The following ESRRG variants were observed in gnomAD, a reference collection of about 807,000 sequenced individuals.
ESRRG encodes the protein estrogen related receptor gamma.
A neutral mutation model predicts 44.0 loss-of-function variants in ESRRG; 13 were observed. The observed-to-expected ratio is 0.30, with a 90% confidence interval of 0.19 to 0.47. The LOEUF is 0.47. Ranked by LOEUF, ESRRG falls within the 20% of genes least tolerant of loss-of-function variation. ESRRG has a pLI of 1.00. For synonymous variants in ESRRG, 215 were observed against 214.6 expected (o/e 1.00, Z -0.02); for missense variants, 395 against 580.6 (o/e 0.68, Z 3.29).
chr1:216,874,061 G>A (rs1296041141), intron 2 of ESRRG, among the ~76,000 whole-genome samples: 1 of 150,326 alleles, frequency 6.7e-6, no homozygotes, highest in Non-Finnish European at 1.5e-5. Flanking sequence ...AGGAAGGGAG[G>A]AAGGTAGGAA....
intron 1 of ESRRG, among the ~76,000 whole-genome samples, chr1:217,133,936 T>G (rs1055845937): frequency 6.6e-6 from 1 of 152,084 alleles, no homozygotes; most frequent in African/African-American, 2.4e-5. Context: ...GGTTTCTGCC[T>G]ATGAAGATGT....
intron 3 of ESRRG, among the ~76,000 whole-genome samples, chr1:216,616,954 G>GT (rs985515881): frequency 3.3e-5 from 5 of 152,000 alleles, no homozygotes; most frequent in African/African-American, 1.2e-4. Context: ...TCACCTCAGG[G>GT]TTTTTTCTTC....
chr1:217,074,381 C>T (rs1305060103), intron 1 of ESRRG, among the ~76,000 whole-genome samples: 1 of 150,874 alleles, frequency 6.6e-6, no homozygotes, highest in Non-Finnish European at 1.5e-5. Flanking sequence ...CTGCCTTGAC[C>T]CTACCAATAG....
chr1:217,067,884 C>T (rs780521724), intron 1 of ESRRG, among the ~76,000 whole-genome samples: 3 of 152,162 alleles, frequency 2.0e-5, no homozygotes, highest in South Asian at 2.1e-4. Context: ...CACATTTTGG[C>T]AAAGTATCAA....
chr1:217,047,530 G>A (rs2085106279), intron 1 of ESRRG, among the ~76,000 whole-genome samples: 1 of 152,068 alleles, frequency 6.6e-6, no homozygotes, highest in African/African-American at 2.4e-5. Context: ...CATCACTCAA[G>A]TCCAAGCTAC....
At chr1:216,945,450 C>T (rs1355744719) in intron 1 of ESRRG, among the ~76,000 whole-genome samples, 1 of 151,978 alleles carries the variant, frequency 6.6e-6, no homozygotes, top group Non-Finnish European at 1.5e-5. Flanking sequence ...TTGAAGAAAA[C>T]AAAGATTTAG....
At chr1:216,663,909 G>T (rs928341305) in intron 2 of ESRRG, among the ~76,000 whole-genome samples, 3 of 152,080 alleles carry the variant, frequency 2.0e-5, no homozygotes, top group African/African-American at 7.2e-5. Context: ...AAAATCCAGA[G>T]AACTGACACA....
At chr1:216,555,049 C>T (rs2057238750) in intron 5 of ESRRG, among the ~76,000 whole-genome samples, 1 of 152,174 alleles carries the variant, frequency 6.6e-6, no homozygotes, top group Non-Finnish European at 1.5e-5. Flanking sequence ...TCTTCATCCA[C>T]ACCAGCACCA....
chr1:216,750,420 G>C (rs1576127248), intron 2 of ESRRG, among the ~76,000 whole-genome samples: 1 of 151,952 alleles, frequency 6.6e-6, no homozygotes, highest in African/African-American at 2.4e-5. Context: ...GCATTAAAAA[G>C]CTGTTCTTCA....
intron 1 of ESRRG, among the ~76,000 whole-genome samples, chr1:217,003,449 C>T (rs182179931): frequency 2.1e-3 from 322 of 151,564 alleles, no homozygotes; most frequent in African/African-American, 7.3e-3. Context: ...ATCTGGGCCA[C>T]GTTTGTTTTG....
chr1:216,943,365 C>T (rs984562726), intron 1 of ESRRG, among the ~76,000 whole-genome samples: 2 of 152,180 alleles, frequency 1.3e-5, no homozygotes, highest in South Asian at 4.1e-4. Context: ...TGCATTGTTG[C>T]AGGAACCTTC....
intron 5 of ESRRG, among the ~76,000 whole-genome samples, chr1:216,550,104 G>T (rs1221478071): frequency 6.6e-6 from 1 of 152,092 alleles, no homozygotes; most frequent in African/African-American, 2.4e-5. Context: ...TGCATGAACC[G>T]CTAGGAATAA....
intron 2 of ESRRG, among the ~76,000 whole-genome samples, chr1:216,853,858 T>C (rs751525201): frequency 5.7e-4 from 87 of 152,244 alleles, no homozygotes; most frequent in Admixed American, 9.8e-4. Flanking sequence ...CAATTGCTTT[T>C]TTATCTTTTC....
At chr1:217,133,635 C>CTTTCTTTCTTTCTT (rs1558298142) in intron 1 of ESRRG, among the ~76,000 whole-genome samples, 7 of 87,032 alleles carry the variant, frequency 8.0e-5, no homozygotes, top group Admixed American at 2.0e-4. Flanking sequence ...CTTTCTTTCT[C>CTTTCTTTCTTTCTT]TCTCTCTCTC....
chr1:216,842,560 T>C (rs2095668656), intron 2 of ESRRG, among the ~76,000 whole-genome samples: 1 of 152,176 alleles, frequency 6.6e-6, no homozygotes, highest in South Asian at 2.1e-4. Flanking sequence ...CAATCCATAG[T>C]GTCCTTAATG....
intron 2 of ESRRG, among the ~76,000 whole-genome samples, chr1:216,747,743 G>A (rs1169660778): frequency 6.6e-6 from 1 of 152,026 alleles, no homozygotes; most frequent in Non-Finnish European, 1.5e-5. Context: ...ACTTTACTGT[G>A]AGAAAAAAGG....
intron 1 of ESRRG, among the ~76,000 whole-genome samples, chr1:217,036,907 C>T (rs1474073568): frequency 3.3e-5 from 5 of 152,066 alleles, no homozygotes; most frequent in Admixed American, 3.3e-4. Context: ...TTCCCTCAAG[C>T]TGGTACTGAC....
chr1:217,069,840 C>A (rs1280582627), intron 1 of ESRRG, among the ~76,000 whole-genome samples: 1 of 152,106 alleles, frequency 6.6e-6, no homozygotes, highest in African/African-American at 2.4e-5. Flanking sequence ...CCCTCCAGGC[C>A]CCAGCCTGGA....
At chr1:217,099,366 G>A (rs1332518452) in intron 1 of ESRRG, among the ~76,000 whole-genome samples, 1 of 129,176 alleles carries the variant, frequency 7.7e-6, no homozygotes, top group Non-Finnish European at 1.7e-5. Flanking sequence ...AATTAGACCT[G>A]TGAGCAGAGC....
Sources: allele counts gnomAD v4.1 joint callset (sites outside exome capture counted in the v4.1 genomes callset), GRCh38; gene constraint gnomAD v4.1.1; transcripts MANE v1.5; gene names NCBI Gene and HGNC (gene_info 2026-07-23, HGNC 2026-07-21).